The following MARCHF10 variants were observed in gnomAD, a reference collection of about 807,000 sequenced individuals.
MARCHF10 encodes probable E3 ubiquitin-protein ligase MARCHF10.
A neutral mutation model predicts 76.2 loss-of-function variants in MARCHF10; 64 were observed. The ratio of observed to expected loss-of-function variants is 0.84; its 90% CI spans 0.69 to 1.03. The LOEUF is 1.03. MARCHF10 is among the 50% of genes least tolerant of loss of function. MARCHF10 has a pLI of 0.00. For synonymous variants in MARCHF10, 340 were observed against 357.5 expected (o/e 0.95, Z 0.55); for missense variants, 875 against 958.0 (o/e 0.91, Z 1.14).
At chr17:62,742,592 C>T (rs559162920) in intron 5 of MARCHF10, among the ~76,000 whole-genome samples, 1 of 152,236 alleles carries the variant, frequency 6.6e-6, no homozygotes, top group South Asian at 2.1e-4. Context: ...GGCGATGACT[C>T]CTGGGTGCAG....
In MARCHF10 at chr17:62,724,869, GC is replaced by G. The variant is rs2090673543; in HGVS notation, c.2104+68del. 9.0e-6 allele frequency: 14 copies of G among 1,556,144 alleles called. 1 individual carries two copies. The South Asian group carries it at 1.2e-4, about 13-fold the overall frequency. ...AGTGAGCTGATGACAAGGCTCCGGG[GC>G]CCACACCGTGGTGCCTCATGTTAAT... On this transcript the variant is annotated intron_variant, in intron 7 of 10. Transcript: ENST00000311269.
intron 6 of MARCHF10, 92 bp from the exon 7 acceptor site, chr17:62,725,196 A>G: frequency 8.0e-7 from 1 of 1,246,102 alleles, no homozygotes; most frequent in Non-Finnish European, 1.1e-6. Flanking sequence ...GAGAAGGAAG[A>G]GGGCTCCTGG....
intron 3 of MARCHF10, among the ~76,000 whole-genome samples, chr17:62,766,565 G>A (rs1182765590): frequency 1.3e-5 from 2 of 152,222 alleles, no homozygotes; most frequent in Non-Finnish European, 1.5e-5. Flanking sequence ...ACAGCACATT[G>A]AGATTGCCCT....
chr17:62,753,270 C>A (rs897210190), intron 4 of MARCHF10, among the ~76,000 whole-genome samples: 5 of 152,072 alleles, frequency 3.3e-5, no homozygotes, highest in Non-Finnish European at 7.4e-5. Context: ...CTACATCTGG[C>A]TAATTTTTGT....
At position 62,770,138 on chromosome 17, in the gene MARCHF10, C is replaced by T. The variant is rs551862469; in HGVS notation, c.211-10132G>A. 3.9e-5 allele frequency among the ~76,000 whole-genome samples: 6 copies of T among 152,266 alleles called. No homozygotes were observed. The South Asian group carries it at 1.0e-3, about 26-fold the overall frequency. Reference sequence around the variant, plus strand: ...TGTGGTATTTGGGTTTTTGTTCCTGCGTTAATTCCCTTAGGACTATGGCCT... The same window carrying T: ...TGTGGTATTTGGGTTTTTGTTCCTGTGTTAATTCCCTTAGGACTATGGCCT... On this transcript the variant is annotated intron_variant, in intron 3 of 10. Coordinates refer to ENST00000311269, the MANE Select transcript of MARCHF10 (RefSeq NM_152598.4).
chr17:62,744,679 G>T, intron 4 of MARCHF10, 151 bp from the exon 5 acceptor site: 1 of 765,312 alleles, frequency 1.3e-6, no homozygotes, highest in Non-Finnish European at 2.0e-6. Context: ...CAGAAGAGCT[G>T]GATTTGAAAT....
chr17:62,764,259 G>A (rs903112975), intron 3 of MARCHF10, among the ~76,000 whole-genome samples: 3 of 152,192 alleles, frequency 2.0e-5, no homozygotes, highest in Non-Finnish European at 4.4e-5. Flanking sequence ...ACTATTGCCT[G>A]ATGGCTCCTT....
In MARCHF10 at chr17:62,744,455, C is replaced by T. The variant is rs1000595171; in HGVS notation, c.456G>A (p.Ser152=). The change falls in exon 5 of 11, where the codon TCG becomes TCA. Residue 152 remains serine, a synonymous_variant. Coordinates refer to ENST00000311269, the MANE Select transcript of MARCHF10 (RefSeq NM_152598.4). ...NLRRFTVSPE[S]HSPRASGDRS... ...TGTCCCCAGATGCTCTCGGGCTGTG[C>T]GATTCTGGGCTGACTGTAAATCTCC... The T allele has an allele frequency of 1.4e-5, 23 of 1,614,046 alleles. 1 individual carries two copies. The East Asian group carries it at 2.7e-4, about 19-fold the overall frequency.
intron 3 of MARCHF10, among the ~76,000 whole-genome samples, chr17:62,771,956 G>C (rs1043099225): frequency 6.6e-6 from 1 of 152,138 alleles, no homozygotes; most frequent in Admixed American, 6.5e-5. Context: ...CTGGTTAGGA[G>C]GCCACTGCAG....
Position 62,777,711 on chromosome 17 carries a change from C to T in MARCHF10, c.210+10769G>A, listed in dbSNP as rs575581584. 1.1e-3 allele frequency among the ~76,000 whole-genome samples: 43 copies of T among 39,246 alleles called. 1 individual carries two copies. The highest frequency in any genetic ancestry group is 6.1e-3 in the Admixed American group (18 of 2,934). The allele number at this position is 39,246 out of a possible 152,430, so 25.7% of individuals were successfully genotyped here. ...CCTGGGTTACAAAGTGAGACTCCAT[C>T]TCAAAAAAAAAAAAAAGAAAAAAAA... is the stretch of plus-strand genomic sequence containing the variant. On this transcript the variant is annotated intron_variant, in intron 3 of 10. Transcript: ENST00000311269.
At chr17:62,760,065 A>G in intron 3 of MARCHF10, 59 bp from the exon 4 acceptor site, 1 of 1,468,792 alleles carries the variant, frequency 6.8e-7, no homozygotes, top group Non-Finnish European at 9.4e-7. Flanking sequence ...TTTGTTAGGC[A>G]GAGAAAACAG....
chr17:62,762,877 G>A (rs1302829388), intron 3 of MARCHF10, among the ~76,000 whole-genome samples: 2 of 152,180 alleles, frequency 1.3e-5, no homozygotes, highest in Admixed American at 6.5e-5. Flanking sequence ...ATCGTATCAC[G>A]CAGGGAGGAT....
chr17:62,729,677 G>C (rs2090929402), intron 6 of MARCHF10, among the ~76,000 whole-genome samples: 1 of 151,700 alleles, frequency 6.6e-6, no homozygotes, highest in African/African-American at 2.4e-5. Context: ...GGGCTCAAGG[G>C]ATACTCCTGC....
intron 8 of MARCHF10, among the ~76,000 whole-genome samples, chr17:62,720,855 T>C (rs1266832268): frequency 6.8e-6 from 1 of 147,794 alleles, no homozygotes; most frequent in Non-Finnish European, 1.5e-5. Context: ...CTCCGGTAAG[T>C]TGTGATTTTT....
intron 5 of MARCHF10, among the ~76,000 whole-genome samples, chr17:62,741,630 T>A (rs1345869113): frequency 6.6e-6 from 1 of 152,226 alleles, no homozygotes; most frequent in Non-Finnish European, 1.5e-5. Flanking sequence ...TTGAACTTTT[T>A]AAAAAATATG....
At position 62,736,206 on chromosome 17, in the gene MARCHF10, CT is replaced by C; in HGVS notation, c.1661del (p.Gln554ArgfsTer11). The C allele has an allele frequency of 6.2e-7, 1 of 1,614,192 alleles. No homozygotes were observed. The highest frequency in any genetic ancestry group is 1.3e-5 in the African/African-American group (1 of 75,052). On this transcript the variant is annotated frameshift_variant, in exon 6 of 11. Coordinates refer to ENST00000311269, the MANE Select transcript of MARCHF10 (RefSeq NM_152598.4). LOFTEE classifies it high-confidence loss of function. ...AEDTTLTSQP[Q>X]GAPLYTDLLL... is the part of the protein sequence containing the mutation. Reference sequence around the variant, plus strand: ...AGAGATCTGTATATAGTGGAGCCCCCTGAGGCTGGCTTGTTAAAGTAGTATC... The same window carrying C: ...AGAGATCTGTATATAGTGGAGCCCCCGAGGCTGGCTTGTTAAAGTAGTATC...
chr17:62,749,454 GAA>G (rs984803082), intron 4 of MARCHF10, among the ~76,000 whole-genome samples: 1 of 151,058 alleles, frequency 6.6e-6, no homozygotes, highest in Non-Finnish European at 1.5e-5. Flanking sequence ...ACAACTCTTT[GAA>G]AAAAAAAGTG....
Position 62,701,494 on chromosome 17 carries a change from C to T in MARCHF10, c.*209G>A. On this transcript the variant is annotated 3_prime_UTR_variant, in exon 11 of 11. Transcript: ENST00000311269. ...GGCTCCACAGTCCCACGCTGCTTGA[C>T]CTGTGCTGTCTGGGACTAGACTGGT... 1 of 1,162,550 alleles carries T rather than the reference C, an allele frequency of 8.6e-7. No individual in the cohort carries two copies. The highest frequency in any genetic ancestry group is 1.2e-6 in the Non-Finnish European group (1 of 847,662). 72.0% of individuals were successfully genotyped at this position (1,162,550 alleles called of 1,614,324 possible).
intron 3 of MARCHF10, among the ~76,000 whole-genome samples, chr17:62,782,546 C>T (rs2092677939): frequency 6.6e-6 from 1 of 151,934 alleles, no homozygotes; most frequent in South Asian, 2.1e-4. Context: ...TGGGGTTTCA[C>T]CATATTGGCC....
Sources: gnomAD v4.1 joint callset for allele counts (sites outside exome capture counted in the v4.1 genomes callset) on GRCh38, gnomAD v4.1.1 for gene constraint, MANE v1.5 for transcripts, NCBI Gene and HGNC (gene_info 2026-07-23, HGNC 2026-07-21) for gene names.